The following NXPE2 variants were observed in gnomAD, a reference collection of about 807,000 sequenced individuals.
The protein encoded by NXPE2 is neurexophilin and PC-esterase domain family member 2, also known as NXPE family member 2.
A neutral mutation model predicts 34.4 loss-of-function variants in NXPE2; 34 were observed. That is an observed-to-expected ratio of 0.99 (90% CI 0.75 to 1.31). The LOEUF (loss-of-function observed/expected upper bound fraction) is 1.31, where lower values mean the gene tolerates loss of function less well. Ranked by LOEUF, NXPE2 falls within the 40% of genes most tolerant of loss-of-function variation. NXPE2 has a pLI of 0.00. For missense variants in NXPE2, 649 were observed against 672.5 expected, an observed-to-expected ratio of 0.97 and a Z score of 0.39; for synonymous variants, 235 against 231.3, an observed-to-expected ratio of 1.02 and a Z score of -0.15.
chr11:114,469,646 C>A, the NXPE2 span, among the ~76,000 whole-genome samples: 1 of 151,672 alleles, frequency 6.6e-6, no homozygotes, highest in Non-Finnish European at 1.5e-5. Context: ...CCCCCCCCAC[C>A]ACACCCAGCT....
At chr11:114,773,699 G>GA in the NXPE2 span, among the ~76,000 whole-genome samples, 2 of 152,204 alleles carry the variant, frequency 1.3e-5, no homozygotes, top group African/African-American at 4.8e-5. Flanking sequence ...TTTGAATCGG[G>GA]ACTGAGTAAA....
chr11:114,544,092 A>G, the NXPE2 span, among the ~76,000 whole-genome samples: 587 of 152,334 alleles, frequency 3.9e-3, 5 homozygotes, highest in African/African-American at 0.013. Flanking sequence ...AAAAATCTAA[A>G]TAAATGGAGA....
chr11:114,538,643 A>G, the NXPE2 span, among the ~76,000 whole-genome samples: 3 of 152,240 alleles, frequency 2.0e-5, no homozygotes, highest in African/African-American at 7.2e-5. Flanking sequence ...ACTTCTCAAT[A>G]GAAGACATTT....
the NXPE2 span, among the ~76,000 whole-genome samples, chr11:114,748,150 TTTTC>T: frequency 1.3e-5 from 2 of 152,224 alleles, no homozygotes; most frequent in African/African-American, 4.8e-5. Flanking sequence ...TGTTTTTTCA[TTTTC>T]TTTCTTTTTT....
the NXPE2 span, among the ~76,000 whole-genome samples, chr11:114,565,876 T>G: frequency 6.6e-6 from 1 of 152,272 alleles, no homozygotes; most frequent in African/African-American, 2.4e-5. Context: ...TGATACTGTT[T>G]AAACTAAGAT....
the NXPE2 span, among the ~76,000 whole-genome samples, chr11:114,490,328 A>G: frequency 6.6e-6 from 1 of 152,212 alleles, no homozygotes; most frequent in Admixed American, 6.5e-5. Flanking sequence ...GCTACCAATG[A>G]CTTTCTTCAC....
chr11:114,608,241 C>T, the NXPE2 span, among the ~76,000 whole-genome samples: 9 of 151,516 alleles, frequency 5.9e-5, no homozygotes, highest in Admixed American at 4.6e-4. Flanking sequence ...ACAACTGTTG[C>T]CCTGTGTATA....
the NXPE2 span, among the ~76,000 whole-genome samples, chr11:114,795,825 C>T: frequency 1.3e-5 from 2 of 152,220 alleles, no homozygotes; most frequent in Non-Finnish European, 2.9e-5. Flanking sequence ...GGACCAAACC[C>T]TGGAATTCAC....
chr11:114,725,976 A>AAATATATATATATATAT, the NXPE2 span, among the ~76,000 whole-genome samples: 86 of 101,718 alleles, frequency 8.5e-4, no homozygotes, highest in African/African-American at 2.8e-3. Flanking sequence ...ATAAAAAAAA[A>AAATATATATATATATAT]ATATATATAT....
the NXPE2 span, among the ~76,000 whole-genome samples, chr11:114,561,757 G>T: frequency 1.2e-4 from 18 of 152,122 alleles, no homozygotes; most frequent in Non-Finnish European, 2.4e-4. Context: ...ATTTTATGCA[G>T]ATCTTTTTAT....
rs1382754333 is a variant in NXPE2 at position 114,706,773 on chromosome 11, A to G, written c.1523A>G (p.Tyr508Cys). The change falls in exon 6 of 6, where the codon TAT becomes TGT. Residue 508 changes from tyrosine (Y) to cysteine (C), a missense_variant. By Grantham distance (194) the Tyr-to-Cys change is radical. Coordinates refer to ENST00000389586, the MANE Select transcript of NXPE2 (RefSeq NM_182495.6). ...GAGATGTTCAGTGACTTTCATGGCT[A>G]TATTCAGAATCTTATCATAAGAGAT... is the stretch of plus-strand genomic sequence containing the variant. Reference protein sequence around the residue: ...NAEMFSDFHGYIQNLIIRDIF... With the variant: ...NAEMFSDFHGCIQNLIIRDIF... 1.9e-6 allele frequency: 3 copies of G among 1,552,404 alleles called. No individual in the cohort carries two copies. The South Asian group carries it at 3.6e-5, about 18-fold the overall frequency.
intron 2 of NXPE2, among the ~76,000 whole-genome samples, chr11:114,689,183 G>A (rs1310710889): frequency 1.3e-5 from 2 of 151,890 alleles, no homozygotes; most frequent in African/African-American, 4.8e-5. Flanking sequence ...AGTTAGGTTA[G>A]TAATTTGAGA....
the NXPE2 span, among the ~76,000 whole-genome samples, chr11:114,487,657 G>T: frequency 1.3e-5 from 2 of 152,026 alleles, no homozygotes; most frequent in Non-Finnish European, 2.9e-5. Context: ...TGGGTCTGTG[G>T]CACATTACTT....
chr11:114,737,816 C>T, the NXPE2 span, among the ~76,000 whole-genome samples: 1 of 152,142 alleles, frequency 6.6e-6, no homozygotes, highest in Non-Finnish European at 1.5e-5. Context: ...GGCGCAGTGG[C>T]TCACACCTGT....
chr11:114,565,077 G>A, the NXPE2 span, among the ~76,000 whole-genome samples: 2 of 152,110 alleles, frequency 1.3e-5, no homozygotes, highest in Non-Finnish European at 1.5e-5. Flanking sequence ...ACAGTACAGC[G>A]AATAACAGAT....
the NXPE2 span, among the ~76,000 whole-genome samples, chr11:114,617,958 C>A: frequency 6.6e-6 from 1 of 151,904 alleles, no homozygotes; most frequent in Non-Finnish European, 1.5e-5. Flanking sequence ...TCGTGGGAAA[C>A]CACTGTTATC....
the NXPE2 span, among the ~76,000 whole-genome samples, chr11:114,521,368 A>G: frequency 6.6e-6 from 1 of 152,180 alleles, no homozygotes; most frequent in South Asian, 2.1e-4. Context: ...TGCTAAAACT[A>G]ATCTATCTAT....
At chr11:114,546,367 G>A in the NXPE2 span, among the ~76,000 whole-genome samples, 1 of 152,054 alleles carries the variant, frequency 6.6e-6, no homozygotes, top group Non-Finnish European at 1.5e-5. Flanking sequence ...ATCAGTATGA[G>A]CCCATGTTTA....
At chr11:114,785,878 G>A in the NXPE2 span, among the ~76,000 whole-genome samples, 9 of 152,304 alleles carry the variant, frequency 5.9e-5, no homozygotes, top group African/African-American at 2.2e-4. Flanking sequence ...CCCAGGTGAG[G>A]TGAATTTCTT....
Sources: gnomAD v4.1 joint callset for allele counts (sites outside exome capture counted in the v4.1 genomes callset) on GRCh38, gnomAD v4.1.1 for gene constraint, MANE v1.5 for transcripts, NCBI Gene and HGNC (gene_info 2026-07-23, HGNC 2026-07-21) for gene names.